Variants in SOX5 observed in about 807,000 individuals in gnomAD.
The protein encoded by SOX5 is SRY-box transcription factor 5.
Under a neutral mutation model 92.0 loss-of-function variants are expected in SOX5, and 9 were observed. The ratio of observed to expected loss-of-function variants is 0.10; its 90% CI spans 0.06 to 0.17. SOX5 has a LOEUF of 0.17. Among genes scored for constraint, SOX5 ranks in the 10% least tolerant of loss-of-function variants. SOX5 has a pLI of 1.00. For missense variants in SOX5, 642 were observed against 944.5 expected (o/e 0.68, Z 4.20); for synonymous variants, 344 against 336.3 (o/e 1.02, Z -0.25).
intron 4 of SOX5, among the ~76,000 whole-genome samples, chr12:23,969,381 G>A (rs754483274): frequency 2.6e-5 from 4 of 151,452 alleles, no homozygotes; most frequent in African/African-American, 4.9e-5. Context: ...ATCTGATCAC[G>A]CCATTTGCCA....
intron 1 of SOX5, among the ~76,000 whole-genome samples, chr12:24,524,153 T>C (rs1950490860): frequency 6.6e-6 from 1 of 152,216 alleles, no homozygotes; most frequent in Non-Finnish European, 1.5e-5. Flanking sequence ...GGGCACCATC[T>C]AAACCAGATT....
chr12:23,776,629 C>G (rs756937288), intron 3 of SOX5, among the ~76,000 whole-genome samples: 8 of 151,830 alleles, frequency 5.3e-5, no homozygotes, highest in Admixed American at 1.3e-4. Flanking sequence ...TTTTTTTTAA[C>G]AGGGGGATGG....
chr12:23,858,101 C>G (rs1419889339), intron 2 of SOX5, among the ~76,000 whole-genome samples: 1 of 151,612 alleles, frequency 6.6e-6, no homozygotes, highest in African/African-American at 2.4e-5. Context: ...ATATGCAAGG[C>G]AGGTACATAT....
chr12:23,904,351 C>T (rs1280909197), intron 1 of SOX5, among the ~76,000 whole-genome samples: 2 of 151,718 alleles, frequency 1.3e-5, no homozygotes, highest in Non-Finnish European at 2.9e-5. Context: ...GTTCATTATA[C>T]CGTTATTTAG....
chr12:24,044,929 G>T (rs1409136335), intron 4 of SOX5, among the ~76,000 whole-genome samples: 1 of 152,200 alleles, frequency 6.6e-6, no homozygotes, highest in African/African-American at 2.4e-5. Context: ...AATAAATGTA[G>T]CATGTTCTAA....
At chr12:24,472,513 T>A (rs1471021384) in intron 1 of SOX5, among the ~76,000 whole-genome samples, 1 of 152,202 alleles carries the variant, frequency 6.6e-6, no homozygotes, top group Non-Finnish European at 1.5e-5. Flanking sequence ...TCCCAGATGC[T>A]TTACTTCAAT....
chr12:24,341,508 T>C (rs916931233), intron 2 of SOX5, among the ~76,000 whole-genome samples: 18 of 152,348 alleles, frequency 1.2e-4, no homozygotes, highest in African/African-American at 2.9e-4. Context: ...TCATGCTTTA[T>C]TGATTCTTTA....
chr12:23,620,546 A>C (rs1234649554), intron 8 of SOX5, among the ~76,000 whole-genome samples: 1 of 152,126 alleles, frequency 6.6e-6, no homozygotes, highest in East Asian at 1.9e-4. Flanking sequence ...TTAATCATAT[A>C]AAACTCTATG....
At chr12:23,695,897 C>T (rs1361283485) in intron 6 of SOX5, among the ~76,000 whole-genome samples, 65 of 131,584 alleles carry the variant, frequency 4.9e-4, no homozygotes, top group Non-Finnish European at 8.2e-4. Context: ...GCCGAGATTG[C>T]GCCACTGCAC....
chr12:23,575,223 G>T (rs1015301129), intron 10 of SOX5, among the ~76,000 whole-genome samples: 1 of 152,092 alleles, frequency 6.6e-6, no homozygotes, highest in Non-Finnish European at 1.5e-5. Context: ...CAAACAGAAC[G>T]AAACTGAACA....
intron 4 of SOX5, among the ~76,000 whole-genome samples, chr12:24,129,947 T>A (rs529593272): frequency 1.3e-5 from 2 of 152,346 alleles, no homozygotes; most frequent in East Asian, 3.9e-4. Flanking sequence ...ATGCCCATGG[T>A]AAAAACTCAA....
intron 2 of SOX5, among the ~76,000 whole-genome samples, chr12:24,307,186 G>A (rs1193685289): frequency 2.6e-5 from 4 of 152,052 alleles, no homozygotes; most frequent in African/African-American, 7.2e-5. Flanking sequence ...TTTCACACAC[G>A]TCGTCTCATT....
At chr12:24,143,826 G>C (rs1214854597) in intron 4 of SOX5, among the ~76,000 whole-genome samples, 1 of 150,920 alleles carries the variant, frequency 6.6e-6, no homozygotes, top group Non-Finnish European at 1.5e-5. Flanking sequence ...GAAGAAGAAA[G>C]AAAGAGGAGG....
chr12:24,397,789 C>T (rs542872637), intron 1 of SOX5, among the ~76,000 whole-genome samples: 3 of 152,074 alleles, frequency 2.0e-5, no homozygotes, highest in Admixed American at 1.3e-4. Context: ...TTCCCCTACA[C>T]TTATGAGTTG....
chr12:24,355,330 T>TAC (rs1954699882), intron 2 of SOX5, among the ~76,000 whole-genome samples: 1 of 121,534 alleles, frequency 8.2e-6, no homozygotes, highest in Non-Finnish European at 1.6e-5. Flanking sequence ...TTTTTTGAGA[T>TAC]GGAGTCTCGC....
intron 3 of SOX5, among the ~76,000 whole-genome samples, chr12:23,792,700 G>A (rs2095498657): frequency 1.4e-5 from 2 of 141,216 alleles, no homozygotes; most frequent in African/African-American, 5.3e-5. Flanking sequence ...AGTTTCAGAT[G>A]CTGCCAAAGA....
At chr12:24,406,808 C>A (rs1159508322) in intron 1 of SOX5, among the ~76,000 whole-genome samples, 2 of 152,106 alleles carry the variant, frequency 1.3e-5, no homozygotes, top group African/African-American at 4.8e-5. Context: ...CAAGGGAATA[C>A]CTGCCACCCT....
chr12:23,751,072 G>A (rs941574009), intron 4 of SOX5, among the ~76,000 whole-genome samples: 4 of 151,802 alleles, frequency 2.6e-5, no homozygotes, highest in African/African-American at 4.8e-5. Context: ...TTACTCATAA[G>A]CAACTACAGA....
intron 3 of SOX5, among the ~76,000 whole-genome samples, chr12:23,784,569 G>A (rs372890886): frequency 1.3e-5 from 2 of 152,080 alleles, no homozygotes; most frequent in African/African-American, 4.8e-5. Context: ...CTCGTGATCC[G>A]CCTGCCTTGG....
Sources: gnomAD v4.1 joint callset for allele counts (sites outside exome capture counted in the v4.1 genomes callset) on GRCh38, gnomAD v4.1.1 for gene constraint, MANE v1.5 for transcripts, NCBI Gene and HGNC (gene_info 2026-07-23, HGNC 2026-07-21) for gene names.